RBFOX1: variants seen among roughly 807,000 people sequenced by gnomAD.
RBFOX1 encodes RNA binding fox-1 homolog 1, also known as RNA binding protein fox-1 homolog 1.
Under a neutral mutation model 57.7 loss-of-function variants are expected in RBFOX1, and 8 were observed. That is an observed-to-expected ratio of 0.14 (90% CI 0.08 to 0.25). RBFOX1 has a LOEUF of 0.25. Among genes scored for constraint, RBFOX1 ranks in the 10% least tolerant of loss-of-function variants. The probability of loss-of-function intolerance (pLI) is 1.00; values close to 1 mark genes in which losing one functional copy is unlikely to be tolerated. For missense variants in RBFOX1, 611 were observed against 548.5 expected (o/e 1.11, Z -1.14); for synonymous variants, 326 against 222.4 (o/e 1.47, Z -4.15).
At chr16:5,611,719 T>TCCATCCATCC (rs2047801150) in intron 3 of RBFOX1, among the ~76,000 whole-genome samples, 5 of 114,584 alleles carry the variant, frequency 4.4e-5, no homozygotes, top group Admixed American at 9.0e-5. Context: ...TCCATCCATC[T>TCCATCCATCC]ATCCATCCAT....
At chr16:6,816,532 G>T (rs1044628611) in intron 3 of RBFOX1, among the ~76,000 whole-genome samples, 1 of 151,532 alleles carries the variant, frequency 6.6e-6, no homozygotes, top group Non-Finnish European at 1.5e-5. Flanking sequence ...ACAGGATCAG[G>T]AGATGAAGAC....
chr16:7,187,505 C>T lies in RBFOX1; in HGVS notation c.27+135407C>T, dbSNP rs1342796831. Among the ~76,000 whole-genome samples, 57 of 151,258 alleles carry T rather than the reference C, an allele frequency of 3.8e-4. No homozygotes were observed. In the East Asian group the frequency reaches 6.7e-3, roughly 18 times the overall value. On this transcript the variant is annotated intron_variant, in intron 4 of 15. Coordinates refer to ENST00000550418, the MANE Select transcript of RBFOX1 (RefSeq NM_018723.4). ...GAGATCGAGACCATCCTGGCTAACA[C>T]AGTGAAACCCCATCTCTACTAAAAA... is the stretch of plus-strand genomic sequence containing the variant.
intron 5 of RBFOX1, among the ~76,000 whole-genome samples, chr16:7,548,602 G>C (rs1200658156): frequency 1.3e-5 from 2 of 152,254 alleles, no homozygotes; most frequent in Admixed American, 1.3e-4. Flanking sequence ...ACATGCGGTT[G>C]CACGGATGAG....
chr16:6,675,236 G>C (rs920530767), intron 3 of RBFOX1, among the ~76,000 whole-genome samples: 2 of 152,190 alleles, frequency 1.3e-5, no homozygotes, highest in African/African-American at 4.8e-5. Context: ...CCAGGTTGTG[G>C]TGATTTGTTG....
intron 4 of RBFOX1, among the ~76,000 whole-genome samples, chr16:7,174,812 T>C (rs553386839): frequency 6.6e-6 from 1 of 152,016 alleles, no homozygotes; most frequent in Admixed American, 6.6e-5. Flanking sequence ...AAACAAACCA[T>C]TAAAGTATTT....
intron 3 of RBFOX1, among the ~76,000 whole-genome samples, chr16:5,816,896 T>G (rs186808713): frequency 3.9e-5 from 6 of 152,226 alleles, no homozygotes; most frequent in Non-Finnish European, 8.8e-5. Flanking sequence ...TAGGTGTACA[T>G]ATTTATGGAG....
intron 4 of RBFOX1, among the ~76,000 whole-genome samples, chr16:5,940,154 A>C (rs558202594): frequency 9.8e-5 from 15 of 152,294 alleles, no homozygotes; most frequent in South Asian, 4.1e-4. Context: ...GGGGAAAAGG[A>C]GGAAGCCTTA....
intron 1 of RBFOX1, among the ~76,000 whole-genome samples, chr16:5,410,948 A>G (rs1228083338): frequency 6.6e-6 from 1 of 152,204 alleles, no homozygotes; most frequent in Non-Finnish European, 1.5e-5. Flanking sequence ...GGGGATCATG[A>G]AAGCACTTGT....
upstream of RBFOX1, among the ~76,000 whole-genome samples, chr16:6,017,702 A>G (rs1378265814): frequency 6.6e-6 from 1 of 152,250 alleles, no homozygotes; most frequent in Non-Finnish European, 1.5e-5. Flanking sequence ...TAATATAGTT[A>G]TAGGCAGAAG....
At chr16:7,443,277 T>G (rs2098783360) in intron 4 of RBFOX1, among the ~76,000 whole-genome samples, 2 of 152,168 alleles carry the variant, frequency 1.3e-5, no homozygotes, top group South Asian at 4.1e-4. Context: ...AAGGCAATTT[T>G]CTTGGTGGCT....
At chr16:7,201,360 A>T (rs1000452247) in intron 4 of RBFOX1, among the ~76,000 whole-genome samples, 2 of 152,028 alleles carry the variant, frequency 1.3e-5, no homozygotes, top group African/African-American at 4.8e-5. Flanking sequence ...TGTGTCTCCT[A>T]TTGTGGGCTA....
intron 4 of RBFOX1, among the ~76,000 whole-genome samples, chr16:7,281,379 C>T (rs1259651136): frequency 6.6e-6 from 1 of 151,780 alleles, no homozygotes; most frequent in East Asian, 2.0e-4. Flanking sequence ...GGCTGCTTCC[C>T]TTATTGTATG....
At chr16:5,419,710 G>A (rs2067257896) in intron 1 of RBFOX1, among the ~76,000 whole-genome samples, 1 of 152,052 alleles carries the variant, frequency 6.6e-6, no homozygotes, top group Non-Finnish European at 1.5e-5. Context: ...GGCTCCCAGT[G>A]AGCCTCATCT....
intron 4 of RBFOX1, among the ~76,000 whole-genome samples, chr16:7,159,963 C>A (rs536584127): frequency 2.0e-5 from 3 of 152,256 alleles, no homozygotes; most frequent in Non-Finnish European, 2.9e-5. Flanking sequence ...AGAATTCCTT[C>A]CTTGAGGGGG....
At chr16:5,827,900 TCCATCCATCCATCCATCCAC>T (rs2056124843) in intron 3 of RBFOX1, among the ~76,000 whole-genome samples, 2 of 138,406 alleles carry the variant, frequency 1.4e-5, no homozygotes, top group Non-Finnish European at 3.0e-5. Context: ...CATCCATCCA[TCCATCCATCCATCCATCCAC>T]CCATCCACCC....
chr16:7,046,583 C>CT (rs2048027871), intron 3 of RBFOX1, among the ~76,000 whole-genome samples: 2 of 133,528 alleles, frequency 1.5e-5, no homozygotes, highest in Non-Finnish European at 3.2e-5. Context: ...CTCTTTGTTT[C>CT]TGTAGTCTTT....
At chr16:5,241,187 C>T (rs1233981879) in intron 1 of RBFOX1, among the ~76,000 whole-genome samples, 5 of 152,108 alleles carry the variant, frequency 3.3e-5, no homozygotes, top group Non-Finnish European at 5.9e-5. Context: ...GGGTTGCTCC[C>T]GGATGCTGTG....
At chr16:7,445,315 T>C (rs1049794090) in intron 4 of RBFOX1, among the ~76,000 whole-genome samples, 1 of 152,178 alleles carries the variant, frequency 6.6e-6, no homozygotes, top group Non-Finnish European at 1.5e-5. Context: ...TAATCTTAGC[T>C]TCTGAACAAT....
chr16:7,442,702 C>T lies in RBFOX1; in HGVS notation c.28-75445C>T, dbSNP rs565765280. On this transcript the variant is annotated intron_variant, in intron 4 of 15. Coordinates refer to ENST00000550418, the MANE Select transcript of RBFOX1 (RefSeq NM_018723.4). Reference sequence around the variant, plus strand: ...GCAAAGTTGGGTCATGAATCTTTTACGAGGGTGGATGGTTGTCCGTCTTGT... The same window carrying T: ...GCAAAGTTGGGTCATGAATCTTTTATGAGGGTGGATGGTTGTCCGTCTTGT... Among the ~76,000 whole-genome samples the T allele has an allele frequency of 4.6e-5, 7 of 152,162 alleles. No homozygotes were observed. The East Asian group carries it at 9.7e-4, about 21-fold the overall frequency.
Sources: allele counts gnomAD v4.1 joint callset (sites outside exome capture counted in the v4.1 genomes callset), GRCh38; gene constraint gnomAD v4.1.1; transcripts MANE v1.5; gene names NCBI Gene and HGNC (gene_info 2026-07-23, HGNC 2026-07-21).